ATXN8OS: variants seen among roughly 807,000 people sequenced by gnomAD.
ATXN8OS encodes the protein ATXN8 opposite strand lncRNA.
In ATXN8OS at chr13:70,120,628, T is replaced by G. The variant is rs115186285; in HGVS notation, n.398+5330T>G. Among the ~76,000 whole-genome samples the G allele has an allele frequency of 4.5e-3, 691 of 152,242 alleles. 8 individuals carry two copies. The highest frequency in any genetic ancestry group is 0.015 in the African/African-American group (634 of 41,544). On this transcript the variant is annotated intron_variant and non_coding_transcript_variant, in intron 2 of 4. Transcript: ENST00000678624. ...ACCGTAAAGAACTAAACAATAAAAA[T>G]AGCTCAATGTTTTGGTAAGTAACCA... is the stretch of plus-strand genomic sequence containing the variant.
intron 4 of ATXN8OS, among the ~76,000 whole-genome samples, chr13:70,151,323 C>T (rs968678706): frequency 6.6e-6 from 1 of 152,100 alleles, no homozygotes; most frequent in Non-Finnish European, 1.5e-5. Flanking sequence ...CCCCCGGCAA[C>T]TGACATTCTA....
chr13:70,135,434 A>C (rs577660439), intron 3 of ATXN8OS, among the ~76,000 whole-genome samples: 1 of 149,582 alleles, frequency 6.7e-6, no homozygotes, highest in African/African-American at 2.5e-5. Context: ...TCTCTCTTTA[A>C]TTTTATCTTC....
Position 70,156,837 on chromosome 13 carries a change from G to A in ATXN8OS, n.573+9409G>A, listed in dbSNP as rs143257574. Reference sequence around the variant, plus strand: ...TTTGATTTACCAATAAGCTCTCTCTGCTTTTACTTTCAGCTACCTCCTTAA... The same window carrying A: ...TTTGATTTACCAATAAGCTCTCTCTACTTTTACTTTCAGCTACCTCCTTAA... On this transcript the variant is annotated intron_variant and non_coding_transcript_variant, in intron 4 of 4. Coordinates refer to ENST00000678624, the Ensembl canonical transcript of ATXN8OS. 2.6e-5 allele frequency among the ~76,000 whole-genome samples: 4 copies of A among 152,094 alleles called. No individual in the cohort carries two copies. In the East Asian group the frequency reaches 7.7e-4, roughly 29 times the overall value.
At chr13:70,116,538 G>A (rs1212282433) in intron 2 of ATXN8OS, among the ~76,000 whole-genome samples, 3 of 152,108 alleles carry the variant, frequency 2.0e-5, no homozygotes, top group Non-Finnish European at 4.4e-5. Context: ...GAAACGAAAC[G>A]AGCTCTATTG....
chr13:70,159,798 C>A (rs534883671), intron 4 of ATXN8OS, among the ~76,000 whole-genome samples: 30 of 152,246 alleles, frequency 2.0e-4, no homozygotes, highest in African/African-American at 7.2e-4. Context: ...AGTATATAAC[C>A]TAACACTGGC....
At chr13:70,135,242 T>C (rs867115973) in intron 3 of ATXN8OS, among the ~76,000 whole-genome samples, 2 of 152,090 alleles carry the variant, frequency 1.3e-5, no homozygotes, top group Non-Finnish European at 2.9e-5. Flanking sequence ...TGCCCCTCCT[T>C]TTTTGGGCCC....
rs1187031903 is a variant in ATXN8OS, at chr13:70,171,666, A to G, written n.2487A>G. Among the ~76,000 whole-genome samples, 10 of 152,244 alleles carry G rather than the reference A, an allele frequency of 6.6e-5. 1 individual carries two copies. Among genetic ancestry groups the G allele is most frequent in the Non-Finnish European group, 8.8e-5 (6 of 67,992 alleles). On this transcript the variant is annotated non_coding_transcript_exon_variant, in exon 5 of 5. Transcript: ENST00000678624. ...TGTGATGTGAACGATGACTGTATAT[A>G]AATAATATTATTTATTAACTTTCAT...
In ATXN8OS at chr13:70,139,371, A is replaced by G. The variant is rs1397764182; in HGVS notation, n.500-7984A>G. 3.9e-5 allele frequency: 25 copies of G among 643,204 alleles called. 2 individuals carry two copies. The highest frequency in any genetic ancestry group is 1.8e-4 in the African/African-American group (7 of 39,838). The allele number at this position is 643,204 out of a possible 1,614,324, so 39.8% of individuals were successfully genotyped here. ...TGGCTTTACTACTACTACTACTACT[A>G]CTACTACTACTACTGCTGCTGCTGC... On this transcript the variant is annotated intron_variant and non_coding_transcript_variant, in intron 3 of 4. Coordinates refer to ENST00000678624, the Ensembl canonical transcript of ATXN8OS.
intron 4 of ATXN8OS, among the ~76,000 whole-genome samples, chr13:70,151,885 TATTATTGAG>T (rs1053453440): frequency 2.0e-5 from 3 of 152,088 alleles, no homozygotes; most frequent in African/African-American, 7.2e-5. Context: ...TTTTGAGATA[TATTATTGAG>T]GTAAAATCAG....
intron 3 of ATXN8OS, among the ~76,000 whole-genome samples, chr13:70,142,834 G>T (rs911123492): frequency 3.3e-5 from 5 of 152,136 alleles, no homozygotes; most frequent in Non-Finnish European, 5.9e-5. Context: ...AGCACTTTGG[G>T]AGCCCGAGGC....
intron 1 of ATXN8OS, among the ~76,000 whole-genome samples, chr13:70,114,912 A>G (rs1888252001): frequency 6.6e-6 from 1 of 152,142 alleles, no homozygotes; most frequent in African/African-American, 2.4e-5. Flanking sequence ...AGAACTAAAA[A>G]AAATGACAAA....
chr13:70,126,604 A>G (rs1489914152), intron 2 of ATXN8OS, among the ~76,000 whole-genome samples: 3 of 141,590 alleles, frequency 2.1e-5, no homozygotes, highest in East Asian at 4.0e-4. Context: ...CTATCTAGAC[A>G]TATTATATAT....
At chr13:70,130,924 A>G (rs1001957379) in intron 3 of ATXN8OS, 5 of 398,412 alleles carry the variant, frequency 1.3e-5, no homozygotes, top group African/African-American at 8.2e-5. Flanking sequence ...TCTCATGTTA[A>G]CTATGGAAAA....
chr13:70,115,057 G>T, intron 1 of ATXN8OS: 1 of 392,118 alleles, frequency 2.6e-6, no homozygotes, highest in Non-Finnish European at 4.5e-6. Flanking sequence ...TGCATGTGTG[G>T]GTGTGTTAGT....
At chr13:70,115,041 T>TGTGG (rs1188771206) in intron 1 of ATXN8OS, 3 of 394,528 alleles carry the variant, frequency 7.6e-6, no homozygotes, top group African/African-American at 6.2e-5. Context: ...TGTGTGTGTG[T>TGTGG]GTGTGTGCAT....
At chr13:70,134,252 A>C (rs2137485813) in intron 3 of ATXN8OS, among the ~76,000 whole-genome samples, 1 of 152,368 alleles carries the variant, frequency 6.6e-6, no homozygotes, top group Non-Finnish European at 1.5e-5. Flanking sequence ...CAAACAATAA[A>C]GATTCAGAGA....
chr13:70,153,411 A>G (rs1198560528), intron 4 of ATXN8OS, among the ~76,000 whole-genome samples: 2 of 151,928 alleles, frequency 1.3e-5, no homozygotes, highest in Non-Finnish European at 2.9e-5. Flanking sequence ...CATCTCTACT[A>G]AAAATACAAA....
At chr13:70,155,515 G>A (rs1475503983) in intron 4 of ATXN8OS, among the ~76,000 whole-genome samples, 2 of 151,932 alleles carry the variant, frequency 1.3e-5, no homozygotes, top group Non-Finnish European at 2.9e-5. Context: ...CGAACTTCAG[G>A]GAACACATAA....
At chr13:70,137,766 T>A (rs746487243) in intron 3 of ATXN8OS, among the ~76,000 whole-genome samples, 5 of 152,186 alleles carry the variant, frequency 3.3e-5, no homozygotes, top group Non-Finnish European at 7.3e-5. Context: ...ATAAAATAAC[T>A]ACTTAATACT....
Sources: gnomAD v4.1 joint callset for allele counts (sites outside exome capture counted in the v4.1 genomes callset) on GRCh38, gnomAD v4.1.1 for gene constraint, MANE v1.5 for transcripts, NCBI Gene and HGNC (gene_info 2026-07-23, HGNC 2026-07-21) for gene names.